CDH23: variants seen among roughly 807,000 people sequenced by gnomAD.
CDH23 encodes cadherin-23.
Under a neutral mutation model 317.1 loss-of-function variants are expected in CDH23, and 189 were observed. That is an observed-to-expected ratio of 0.60 (90% CI 0.53 to 0.67). CDH23 has a LOEUF of 0.67. CDH23 is among the 30% of genes least tolerant of loss of function. CDH23 has a pLI of 0.00. For synonymous variants in CDH23, 1,839 were observed against 1,876.8 expected, an observed-to-expected ratio of 0.98 and a Z score of 0.52; for missense variants, 4,401 against 4,592.4, an observed-to-expected ratio of 0.96 and a Z score of 1.20.
intron 7 of CDH23, among the ~76,000 whole-genome samples, chr10:71,568,064 C>T (rs885014): frequency 0.43 from 65,682 of 152,042 alleles, 16,322 homozygotes; most frequent in African/African-American, 0.68. Flanking sequence ...GGGGTGCCCC[C>T]AGACTTGGCC....
At chr10:71,610,004 C>T in intron 9 of CDH23, among the ~76,000 whole-genome samples, 1 of 122,454 alleles carries the variant, frequency 8.2e-6, no homozygotes, top group Non-Finnish European at 1.8e-5. Context: ...GTGAGAGAGA[C>T]AGAGAGACGA....
chr10:71,715,514 C>A (rs1866172811), intron 28 of CDH23: 1 of 159,662 alleles, frequency 6.3e-6, no homozygotes, highest in South Asian at 1.9e-4. Context: ...GTAGGCTGAG[C>A]ATTTCACTTG....
At chr10:71,617,526 G>C in intron 11 of CDH23, 133 bp downstream of exon 11, 1 of 1,499,428 alleles carries the variant, frequency 6.7e-7, no homozygotes, top group Non-Finnish European at 8.9e-7. Context: ...AGGTTCTGAG[G>C]ATAAATAAGG....
chr10:71,452,399 G>A (rs998369138), intron 3 of CDH23, among the ~76,000 whole-genome samples: 9 of 152,200 alleles, frequency 5.9e-5, no homozygotes, highest in Non-Finnish European at 1.2e-4. Flanking sequence ...CTGTATCTCA[G>A]CGAGTCGCCC....
chr10:71,500,809 CTTTTCTTTTCT>C (rs1403310043), intron 3 of CDH23, among the ~76,000 whole-genome samples: 47 of 139,878 alleles, frequency 3.4e-4, no homozygotes, highest in Non-Finnish European at 4.2e-4. Context: ...CTTTTCTTTT[CTTTTCTTTTCT>C]CTTTCCTTTC....
rs1029372513 is a variant in CDH23 at position 71,573,451 on chromosome 10, T to A, written c.753+2533T>A. Among the ~76,000 whole-genome samples the A allele has an allele frequency of 2.6e-5, 4 of 152,224 alleles. No homozygotes were observed. In the East Asian group the frequency reaches 5.8e-4, roughly 22 times the overall value. On this transcript the variant is annotated intron_variant, in intron 8 of 69. Coordinates refer to ENST00000224721, the MANE Select transcript of CDH23 (RefSeq NM_022124.6). ...TCAGACATTGATGCGGCTGGTCCCATGTGCAGGCCCCATGCTAAGCCATGC... is the reference window on the plus strand; with the variant it reads ...TCAGACATTGATGCGGCTGGTCCCAAGTGCAGGCCCCATGCTAAGCCATGC...
At chr10:71,517,734 G>A (rs1046562053) in intron 6 of CDH23, among the ~76,000 whole-genome samples, 5 of 152,350 alleles carry the variant, frequency 3.3e-5, no homozygotes, top group Admixed American at 2.0e-4. Context: ...CTATAACCAT[G>A]CACCTATTGA....
intron 6 of CDH23, among the ~76,000 whole-genome samples, chr10:71,534,877 C>T (rs3998556): frequency 2.6e-5 from 4 of 152,094 alleles, no homozygotes; most frequent in Non-Finnish European, 4.4e-5. Flanking sequence ...AAACTCCAGG[C>T]TCCTGGAGGC....
At chr10:71,429,610 C>T (rs972123994) in intron 1 of CDH23, among the ~76,000 whole-genome samples, 6 of 151,764 alleles carry the variant, frequency 4.0e-5, no homozygotes, top group African/African-American at 1.2e-4. Context: ...ATACAGTGAT[C>T]GGGGACAGGG....
At chr10:71,624,344 T>C (rs1339799152) in intron 11 of CDH23, among the ~76,000 whole-genome samples, 1 of 152,088 alleles carries the variant, frequency 6.6e-6, no homozygotes, top group Non-Finnish European at 1.5e-5. Flanking sequence ...TTGTTAGAAA[T>C]AAAATTAACC....
chr10:71,533,968 C>G (rs1855561647), intron 6 of CDH23, among the ~76,000 whole-genome samples: 1 of 152,158 alleles, frequency 6.6e-6, no homozygotes, highest in South Asian at 2.1e-4. Flanking sequence ...ACTGTCCCCT[C>G]CTCATTCCCG....
chr10:71,412,771 C>G (rs1848394148), intron 1 of CDH23, among the ~76,000 whole-genome samples: 1 of 152,146 alleles, frequency 6.6e-6, no homozygotes. Flanking sequence ...TGATGTTGAG[C>G]ATCTTTTCAT....
Position 71,679,390 on chromosome 10 carries a change from A to G in CDH23, c.1756A>G (p.Thr586Ala), listed in dbSNP as rs1864515873. ...TTGTCTGCCCTCTTCCTTTCAGGCA[A>G]CAGATGAAGACTCCCCTCCCAACAA... is the stretch of plus-strand genomic sequence containing the variant. ...SVTQLVRLRA[T>A]DEDSPPNNQI... The change falls in exon 17 of 70, where the codon ACA becomes GCA. Residue 586 changes from threonine (T) to alanine (A), a missense_variant. By Grantham distance (58) the Thr-to-Ala change is moderately conservative (BLOSUM62 0). Transcript: ENST00000224721. The G allele has an allele frequency of 2.5e-6, 4 of 1,613,012 alleles. No homozygotes were observed. The highest frequency in any genetic ancestry group is 2.5e-6 in the Non-Finnish European group (3 of 1,179,360).
chr10:71,545,297 A>T (rs1387240441), intron 6 of CDH23, among the ~76,000 whole-genome samples: 2 of 152,152 alleles, frequency 1.3e-5, no homozygotes, highest in Non-Finnish European at 2.9e-5. Flanking sequence ...TCCCTGCCAG[A>T]GAGGTCAGTG....
At position 71,548,376 on chromosome 10, in the gene CDH23, G is replaced by C. The variant is rs183325086; in HGVS notation, c.430-18366G>C. 6.6e-5 allele frequency among the ~76,000 whole-genome samples: 10 copies of C among 152,272 alleles called. 1 individual carries two copies. Among genetic ancestry groups the C allele is most frequent in the African/African-American group, 2.4e-4 (10 of 41,556 alleles). ...AGGAATATCTCGAGGTCCAGGAGGG[G>C]TGCACAGAGCCTGACAGCTGCCTCC... On this transcript the variant is annotated intron_variant, in intron 6 of 69. Coordinates refer to ENST00000224721, the MANE Select transcript of CDH23 (RefSeq NM_022124.6).
intron 14 of CDH23, among the ~76,000 whole-genome samples, chr10:71,667,125 G>C (rs911944871): frequency 3.3e-5 from 5 of 152,262 alleles, no homozygotes; most frequent in Non-Finnish European, 7.3e-5. Flanking sequence ...TGCGGAGGCA[G>C]CTGGGCCTGC....
intron 11 of CDH23, among the ~76,000 whole-genome samples, chr10:71,633,887 ATCACTCTTGGAGGAGAGGCAGAC>A (rs1415466384): frequency 6.6e-6 from 1 of 152,276 alleles, no homozygotes; most frequent in East Asian, 1.9e-4. Flanking sequence ...GAAAGGTGGA[ATCACTCTTGGAGGAGAGGCAGAC>A]TCACTCTTGG....
chr10:71,746,065 T>C (rs1012327662), intron 38 of CDH23, among the ~76,000 whole-genome samples: 5 of 152,230 alleles, frequency 3.3e-5, no homozygotes, highest in African/African-American at 1.2e-4. Flanking sequence ...AGGCCTGTAG[T>C]ACAGGCTAGG....
Position 71,803,127 on chromosome 10 carries a change from G to A in CDH23, c.7660+52G>A, listed in dbSNP as rs1841607050. ...GATGTCTTGGGGGGTGGGAGGGGGA[G>A]GCCTGCCAGCCCAGGCCAGGAGTAG... On this transcript the variant is annotated intron_variant, in intron 54 of 69. Coordinates refer to ENST00000224721, the MANE Select transcript of CDH23 (RefSeq NM_022124.6). The A allele has an allele frequency of 1.9e-6, 3 of 1,600,404 alleles. No homozygotes were observed. In the South Asian group the frequency reaches 3.3e-5, roughly 18 times the overall value.
Sources: allele counts gnomAD v4.1 joint callset (sites outside exome capture counted in the v4.1 genomes callset), GRCh38; gene constraint gnomAD v4.1.1; transcripts MANE v1.5; gene names NCBI Gene and HGNC (gene_info 2026-07-23, HGNC 2026-07-21).